The following MARCHF10 variants were observed in gnomAD, a reference collection of about 807,000 sequenced individuals.
MARCHF10 encodes the protein membrane associated ring-CH-type finger 10.
In MARCHF10, 64 loss-of-function variants were observed where a neutral mutation model predicts 76.2. The ratio of observed to expected loss-of-function variants is 0.84; its 90% CI spans 0.69 to 1.03. The LOEUF (loss-of-function observed/expected upper bound fraction) is 1.03, where lower values mean the gene tolerates loss of function less well. Among genes scored for constraint, MARCHF10 ranks in the 50% least tolerant of loss-of-function variants. The pLI, the probability that MARCHF10 is intolerant of heterozygous loss-of-function variation, is 0.00. For missense variants in MARCHF10, 875 were observed against 958.0 expected, an observed-to-expected ratio of 0.91 and a Z score of 1.14; for synonymous variants, 340 against 357.5, an observed-to-expected ratio of 0.95 and a Z score of 0.55.
chr17:62,727,699 T>C (rs2090829921), intron 6 of MARCHF10, among the ~76,000 whole-genome samples: 1 of 152,042 alleles, frequency 6.6e-6, no homozygotes, highest in South Asian at 2.1e-4. Context: ...TCCACAATAG[T>C]GCTGGAAAAC....
Position 62,736,322 on chromosome 17 carries a change from T to C in MARCHF10, c.1546A>G (p.Ile516Val). 6.2e-7 allele frequency: 1 copy of C among 1,614,194 alleles called. No homozygotes were observed. Residue 516 changes from isoleucine to valine, a missense_variant, in exon 6 of 11, where the codon ATT becomes GTT. Transcript: ENST00000311269. ...GFHVCQPLSPIRNRTPFASAE... is the reference protein window; with the variant it reads ...GFHVCQPLSPVRNRTPFASAE... ...CTGGCAAATGGAGTCCTATTTCTAA[T>C]GGGAGACAGTGGTTGGCAAACATGA...
intron 10 of MARCHF10, among the ~76,000 whole-genome samples, chr17:62,703,786 C>A (rs112417758): frequency 0.033 from 4,992 of 152,326 alleles, 279 homozygotes; most frequent in African/African-American, 0.12. Context: ...CCTCCCGTGG[C>A]GACTCTTTTC....
intron 3 of MARCHF10, among the ~76,000 whole-genome samples, chr17:62,781,633 A>T (rs1430296574): frequency 6.6e-6 from 1 of 152,182 alleles, no homozygotes; most frequent in African/African-American, 2.4e-5. Context: ...GGTTGTGGTG[A>T]GGAGGTTATG....
At chr17:62,708,988 C>T (rs554275527) in intron 9 of MARCHF10, among the ~76,000 whole-genome samples, 1 of 152,344 alleles carries the variant, frequency 6.6e-6, no homozygotes, top group East Asian at 1.9e-4. Context: ...CACTAGTTCT[C>T]TTGCACAGGT....
Position 62,767,272 on chromosome 17 carries a change from CAGT to C in MARCHF10, c.211-7269_211-7267del, listed in dbSNP as rs2092353876. Among the ~76,000 whole-genome samples, 6 of 41,346 alleles carry C rather than the reference CAGT, an allele frequency of 1.5e-4. No homozygotes were observed. The Admixed American group carries it at 2.0e-3, about 13-fold the overall frequency. 27.1% of individuals were successfully genotyped at this position (41,346 alleles called of 152,430 possible). ...AAAACAAAACATCCTGCAAATTTGC[CAGT>C]CAAATAATCTCTTTGTGGTTTCAAT... is the stretch of plus-strand genomic sequence containing the variant. On this transcript the variant is annotated intron_variant, in intron 3 of 10. Coordinates refer to ENST00000311269, the MANE Select transcript of MARCHF10 (RefSeq NM_152598.4).
chr17:62,732,776 T>C (rs2091081549), intron 6 of MARCHF10, among the ~76,000 whole-genome samples: 1 of 152,118 alleles, frequency 6.6e-6, no homozygotes, highest in Non-Finnish European at 1.5e-5. Flanking sequence ...GCTGATTGTT[T>C]GAGGTCAGGA....
chr17:62,711,347 A>G lies in MARCHF10; in HGVS notation c.2215-3T>C. On this transcript the variant is annotated splice_polypyrimidine_tract_variant and splice_region_variant and intron_variant, in intron 8 of 10. Coordinates refer to ENST00000311269, the MANE Select transcript of MARCHF10 (RefSeq NM_152598.4). This position sits in a 1 kb window ranked among gnomAD's most constrained non-coding sequence, Gnocchi z 4.4. Reference sequence around the variant, plus strand: ...GAATTCATCAGCTCGTTTTGTGCCTACAAATGGAAAAGAAAGCTCTTCAGT... The same window carrying G: ...GAATTCATCAGCTCGTTTTGTGCCTGCAAATGGAAAAGAAAGCTCTTCAGT... The G allele has an allele frequency of 6.2e-7, 1 of 1,613,802 alleles. No homozygotes were observed.
chr17:62,791,546 C>T (rs1457123166), intron 2 of MARCHF10, among the ~76,000 whole-genome samples: 1 of 152,146 alleles, frequency 6.6e-6, no homozygotes, highest in Non-Finnish European at 1.5e-5. Flanking sequence ...AATTTTTTCC[C>T]TCTAGTTCCT....
chr17:62,725,144 C>A, intron 6 of MARCHF10, 40 bp from the exon 7 acceptor site: 4 of 1,527,150 alleles, frequency 2.6e-6, no homozygotes, highest in Non-Finnish European at 3.5e-6. Context: ...GGAGGCTACA[C>A]GTTTGCAGTT....
intron 6 of MARCHF10, 138 bp from the exon 7 acceptor site, chr17:62,725,242 G>A: frequency 3.0e-6 from 2 of 671,548 alleles, no homozygotes; most frequent in Non-Finnish European, 2.3e-6. Flanking sequence ...CTAGTGAGAT[G>A]ATTTTTGATA....
chr17:62,803,429 T>A lies in MARCHF10; in HGVS notation c.-17-1677A>T, dbSNP rs8078012. 3.9e-3 allele frequency among the ~76,000 whole-genome samples: 598 copies of A among 152,194 alleles called. 5 individuals carry two copies. Among genetic ancestry groups the A allele is most frequent in the African/African-American group, 0.014 (578 of 41,520 alleles). On this transcript the variant is annotated intron_variant, in intron 1 of 10. Transcript: ENST00000311269. ...ATATTTCATAGTAATCTAGATGTGA[T>A]AAGATGGCAACCAGCATCGGGTAGC... is the stretch of plus-strand genomic sequence containing the variant.
chr17:62,757,712 C>T (rs576110362), intron 4 of MARCHF10, among the ~76,000 whole-genome samples: 2 of 152,322 alleles, frequency 1.3e-5, no homozygotes, highest in South Asian at 2.1e-4. Flanking sequence ...GGGTCTTGGA[C>T]GTGGTCTAGG....
chr17:62,772,819 C>T (rs1484674607), intron 3 of MARCHF10, among the ~76,000 whole-genome samples: 1 of 152,114 alleles, frequency 6.6e-6, no homozygotes, highest in Non-Finnish European at 1.5e-5. Context: ...TTTTTGTCAC[C>T]ATTAGAAATC....
Position 62,701,463 on chromosome 17 carries a change from G to C in MARCHF10, c.*240C>G, listed in dbSNP as rs552628032. On this transcript the variant is annotated 3_prime_UTR_variant, in exon 11 of 11. Coordinates refer to ENST00000311269, the MANE Select transcript of MARCHF10 (RefSeq NM_152598.4). ...TAAGGGGGCAGCACCAGGCCAGCCTGCCAGGGGCTCCACAGTCCCACGCTG... is the reference window on the plus strand; with the variant it reads ...TAAGGGGGCAGCACCAGGCCAGCCTCCCAGGGGCTCCACAGTCCCACGCTG... The C allele has an allele frequency of 2.1e-6, 2 of 933,400 alleles. No homozygotes were observed. Among genetic ancestry groups the C allele is most frequent in the African/African-American group, 3.3e-5 (2 of 60,104 alleles). The allele number at this position is 933,400 out of a possible 1,614,324, so 57.8% of individuals were successfully genotyped here.
At chr17:62,752,710 T>C (rs2147911189) in intron 4 of MARCHF10, among the ~76,000 whole-genome samples, 1 of 151,390 alleles carries the variant, frequency 6.6e-6, no homozygotes. Context: ...CCTCAAGCAA[T>C]CCTCCCATCT....
At chr17:62,743,012 C>T (rs1358190026) in intron 5 of MARCHF10, among the ~76,000 whole-genome samples, 1 of 152,194 alleles carries the variant, frequency 6.6e-6, no homozygotes, top group East Asian at 1.9e-4. Context: ...TCAGTGCCCA[C>T]TGTGTGGACT....
chr17:62,806,269 A>ATTT (rs2093162512), intron 1 of MARCHF10, among the ~76,000 whole-genome samples: 4 of 152,228 alleles, frequency 2.6e-5, no homozygotes, highest in African/African-American at 9.7e-5. Flanking sequence ...ATAATGCTTA[A>ATTT]TTCATGGATC....
rs1193171686 is a variant in MARCHF10, at chr17:62,701,502, G to A, written c.*201C>T. On this transcript the variant is annotated 3_prime_UTR_variant, in exon 11 of 11. Transcript: ENST00000311269. ...AGTCCCACGCTGCTTGACCTGTGCT[G>A]TCTGGGACTAGACTGGTCGCTGTGG... is the stretch of plus-strand genomic sequence containing the variant. The A allele has an allele frequency of 1.6e-6, 2 of 1,241,934 alleles. No homozygotes were observed. The highest frequency in any genetic ancestry group is 2.9e-5 in the South Asian group (2 of 68,762). 76.9% of individuals were successfully genotyped at this position (1,241,934 alleles called of 1,614,324 possible).
At chr17:62,798,010 C>T (rs185747802) in intron 2 of MARCHF10, among the ~76,000 whole-genome samples, 129 of 152,266 alleles carry the variant, frequency 8.5e-4, no homozygotes, top group African/African-American at 3.0e-3. Context: ...GGGAGATGGA[C>T]ATGGGGATAC....
Sources: allele counts gnomAD v4.1 joint callset (sites outside exome capture counted in the v4.1 genomes callset), GRCh38; gene constraint gnomAD v4.1.1; non-coding constraint Gnocchi (gnomAD v3.1); transcripts MANE v1.5; gene names NCBI Gene and HGNC (gene_info 2026-07-23, HGNC 2026-07-21).